SPTLC3: variants seen among roughly 807,000 people sequenced by gnomAD.
SPTLC3 encodes the protein serine palmitoyltransferase 3.
A neutral mutation model predicts 59.3 loss-of-function variants in SPTLC3; 36 were observed. The observed-to-expected ratio is 0.61, with a 90% CI of 0.47 to 0.80. The LOEUF is 0.80. Among genes scored for constraint, SPTLC3 ranks in the 30% least tolerant of loss-of-function variants. The pLI is 0.00. For missense variants in SPTLC3, 625 were observed against 685.1 expected, an observed-to-expected ratio of 0.91 and a Z score of 0.98; for synonymous variants, 257 against 240.8, an observed-to-expected ratio of 1.07 and a Z score of -0.62.
chr20:13,157,396 C>T (rs972883040), intron 10 of SPTLC3, among the ~76,000 whole-genome samples: 12 of 152,066 alleles, frequency 7.9e-5, no homozygotes, highest in African/African-American at 2.7e-4. Flanking sequence ...AAGATCATAC[C>T]ACTGCACTCC....
intron 2 of SPTLC3, among the ~76,000 whole-genome samples, chr20:13,055,603 A>G (rs1328187196): frequency 3.3e-5 from 5 of 152,222 alleles, no homozygotes; most frequent in Non-Finnish European, 5.9e-5. Context: ...CTAACCTTTC[A>G]GTGTATTTGC....
In SPTLC3 at chr20:13,044,008, C is replaced by A. The variant is rs1224136962; in HGVS notation, c.118-4937C>A. 2.0e-5 allele frequency among the ~76,000 whole-genome samples: 3 copies of A among 152,136 alleles called. No homozygotes were observed. In the East Asian group the frequency reaches 5.8e-4, roughly 29 times the overall value. ...ACTCTTCAGTCCCTCACCTCTTCCT[C>A]CCTCTCCCACTTGCTGTCTCCTTAG... On this transcript the variant is annotated intron_variant, in intron 1 of 11. Coordinates refer to ENST00000399002, the MANE Select transcript of SPTLC3 (RefSeq NM_018327.4).
intron 9 of SPTLC3, among the ~76,000 whole-genome samples, chr20:13,131,308 G>A (rs543350558): frequency 3.4e-4 from 52 of 152,224 alleles, no homozygotes; most frequent in East Asian, 2.1e-3. Context: ...TGTATGATGT[G>A]GCTAATTCAC....
In SPTLC3 at chr20:13,159,258, G is replaced by A. The variant is rs544629307; in HGVS notation, c.1416-745G>A. On this transcript the variant is annotated intron_variant, in intron 10 of 11. Coordinates refer to ENST00000399002, the MANE Select transcript of SPTLC3 (RefSeq NM_018327.4). Reference sequence around the variant, plus strand: ...CCGCTTTCTAGTTCTATGACTTAACGTCCTATAGGCTGTAAGGTTCTCTGC... The same window carrying A: ...CCGCTTTCTAGTTCTATGACTTAACATCCTATAGGCTGTAAGGTTCTCTGC... 9.1e-4 allele frequency among the ~76,000 whole-genome samples: 139 copies of A among 152,310 alleles called. 1 individual carries two copies. The highest frequency in any genetic ancestry group is 3.2e-3 in the African/African-American group (132 of 41,576).
At chr20:13,099,984 A>G (rs1989547646) in intron 6 of SPTLC3, among the ~76,000 whole-genome samples, 1 of 152,098 alleles carries the variant, frequency 6.6e-6, no homozygotes, top group Non-Finnish European at 1.5e-5. Flanking sequence ...GCAACTCTAA[A>G]CTTGTTCTGC....
At chr20:13,045,211 C>T (rs975395224) in intron 1 of SPTLC3, among the ~76,000 whole-genome samples, 8 of 152,090 alleles carry the variant, frequency 5.3e-5, no homozygotes, top group African/African-American at 9.7e-5. Flanking sequence ...ATGACAGAAG[C>T]GCAGGAAGTA....
intron 4 of SPTLC3, among the ~76,000 whole-genome samples, chr20:13,090,410 T>A (rs571532434): frequency 3.3e-5 from 5 of 152,332 alleles, no homozygotes; most frequent in Admixed American, 3.3e-4. Flanking sequence ...CTAGTTTTAT[T>A]GGTATCTATG....
intron 2 of SPTLC3, among the ~76,000 whole-genome samples, chr20:13,053,551 A>G (rs934979017): frequency 3.9e-5 from 6 of 152,130 alleles, no homozygotes; most frequent in Non-Finnish European, 5.9e-5. Context: ...TGACGAATTG[A>G]CAGAAGTAGG....
At chr20:13,041,748 G>A (rs142591435) in intron 1 of SPTLC3, among the ~76,000 whole-genome samples, 2 of 146,448 alleles carry the variant, frequency 1.4e-5, no homozygotes, top group Non-Finnish European at 3.0e-5. Context: ...GCCCCCACTA[G>A]AGGATTGTCT....
chr20:13,120,618 G>A (rs1600318557), intron 8 of SPTLC3, among the ~76,000 whole-genome samples: 1 of 152,146 alleles, frequency 6.6e-6, no homozygotes, highest in African/African-American at 2.4e-5. Context: ...AATGGGTCAA[G>A]GTCAGAGTTT....
intron 1 of SPTLC3, among the ~76,000 whole-genome samples, chr20:13,043,825 C>T (rs1330462896): frequency 6.6e-6 from 1 of 152,174 alleles, no homozygotes; most frequent in East Asian, 1.9e-4. Flanking sequence ...CATCTCAGCT[C>T]CCTGTCCCAT....
At chr20:13,061,125 T>C (rs1987956099) in intron 2 of SPTLC3, among the ~76,000 whole-genome samples, 1 of 152,142 alleles carries the variant, frequency 6.6e-6, no homozygotes, top group Non-Finnish European at 1.5e-5. Context: ...TCTGTTATTG[T>C]TTTGGCTTTT....
chr20:13,128,407 A>G (rs1378652380), intron 9 of SPTLC3, among the ~76,000 whole-genome samples: 2 of 152,182 alleles, frequency 1.3e-5, no homozygotes, highest in Non-Finnish European at 2.9e-5. Context: ...ATCTAATACC[A>G]ATCAGTCAAC....
chr20:13,076,247 G>A (rs551150273), intron 4 of SPTLC3, among the ~76,000 whole-genome samples: 17 of 152,254 alleles, frequency 1.1e-4, no homozygotes, highest in Admixed American at 9.2e-4. Context: ...AAAGTATTCC[G>A]CAACATTAAC....
At chr20:13,022,794 T>C (rs1424624735) in intron 1 of SPTLC3, among the ~76,000 whole-genome samples, 2 of 152,154 alleles carry the variant, frequency 1.3e-5, no homozygotes, top group Non-Finnish European at 2.9e-5. Flanking sequence ...CACTAGACTT[T>C]CTCTATACAG....
chr20:13,054,352 A>G (rs892621338), intron 2 of SPTLC3, among the ~76,000 whole-genome samples: 1 of 152,226 alleles, frequency 6.6e-6, no homozygotes, highest in Non-Finnish European at 1.5e-5. Context: ...GCATATTTGT[A>G]GACAGAAAGA....
chr20:13,070,868 A>G (rs1439637895), intron 2 of SPTLC3, among the ~76,000 whole-genome samples: 1 of 151,940 alleles, frequency 6.6e-6, no homozygotes. Flanking sequence ...ATTCTTATCA[A>G]TTCTTCCCAA....
At chr20:13,076,073 T>TTAGC (rs1471454769) in intron 4 of SPTLC3, among the ~76,000 whole-genome samples, 2 of 152,230 alleles carry the variant, frequency 1.3e-5, no homozygotes, top group Admixed American at 6.5e-5. Context: ...TCCATTTCAT[T>TTAGC]TAGCTCTCCA....
At chr20:13,053,452 A>T (rs1317804577) in intron 2 of SPTLC3, among the ~76,000 whole-genome samples, 1 of 152,102 alleles carries the variant, frequency 6.6e-6, no homozygotes, top group African/African-American at 2.4e-5. Context: ...ACCAGCACAA[A>T]AAAAGGCTGA....
Sources: gnomAD v4.1 joint callset for allele counts (sites outside exome capture counted in the v4.1 genomes callset) on GRCh38, gnomAD v4.1.1 for gene constraint, MANE v1.5 for transcripts, NCBI Gene and HGNC (gene_info 2026-07-23, HGNC 2026-07-21) for gene names.